ANKRD13A: variants seen among roughly 807,000 people sequenced by gnomAD.
ANKRD13A encodes ankyrin repeat domain 13A.
Under a neutral mutation model 81.3 loss-of-function variants are expected in ANKRD13A, and 48 were observed. That is an observed-to-expected ratio of 0.59 (90% CI 0.47 to 0.75). The LOEUF (loss-of-function observed/expected upper bound fraction) is 0.75. Ranked by LOEUF, ANKRD13A falls within the 30% of genes least tolerant of loss-of-function variation. ANKRD13A has a pLI of 0.00. For synonymous variants in ANKRD13A, 230 were observed against 270.1 expected, an observed-to-expected ratio of 0.85 and a Z score of 1.45; for missense variants, 612 against 734.0, an observed-to-expected ratio of 0.83 and a Z score of 1.92.
At chr12:110,006,673 C>T (rs1890258290) in intron 1 of ANKRD13A, among the ~76,000 whole-genome samples, 1 of 151,670 alleles carries the variant, frequency 6.6e-6, no homozygotes, top group Admixed American at 6.6e-5. Flanking sequence ...CTCGGCTTAC[C>T]ACAACCTCCG....
Position 110,039,375 on chromosome 12 carries a change from T to C in ANKRD13A, c.*1821T>C, listed in dbSNP as rs557174365. On this transcript the variant is annotated 3_prime_UTR_variant, in exon 15 of 15. Coordinates refer to ENST00000261739, the MANE Select transcript of ANKRD13A (RefSeq NM_033121.2). ...AACCTGTTGCAGTGTTTTTCATATA[T>C]GTGTTCACTCTAAAAATGCAAATAA... The C allele has an allele frequency of 6.6e-6, 1 of 152,360 alleles. No homozygotes were observed. The highest frequency in any genetic ancestry group is 1.9e-4 in the East Asian group (1 of 5,196). The allele number at this position is 152,360 out of a possible 1,614,324, so 9.4% of individuals were successfully genotyped here. A position where few individuals can be genotyped will look rare whatever the true frequency, so the allele number is the denominator to read the frequency against.
rs1180027757 is a variant in ANKRD13A, at chr12:110,024,049, T to G, written c.738T>G (p.Thr246=). 1.2e-6 allele frequency: 2 copies of G among 1,613,650 alleles called. No individual in the cohort carries two copies. Among genetic ancestry groups the G allele is most frequent in the Middle Eastern group, 1.6e-4 (1 of 6,062 alleles). ...LDTKNIAFER[T]KSGFWGWRTD... ...TGTGGTGTTCACTTTTTATCAGAACTAAATCCGGATTCTGGGGCTGGAGGA... is the reference window on the plus strand; with the variant it reads ...TGTGGTGTTCACTTTTTATCAGAACGAAATCCGGATTCTGGGGCTGGAGGA... The change falls in exon 7 of 15, where the codon ACT becomes ACG. Residue 246 remains threonine, a synonymous_variant. Transcript: ENST00000261739.
At chr12:110,009,322 C>A (rs1593201069) in intron 1 of ANKRD13A, among the ~76,000 whole-genome samples, 2 of 152,222 alleles carry the variant, frequency 1.3e-5, no homozygotes, top group African/African-American at 4.8e-5. Context: ...CTCTAGTGAT[C>A]CACCCGCCTC....
rs2137198594 is a variant in ANKRD13A at position 110,037,772 on chromosome 12, C to T, written c.*218C>T. 1 of 458,038 alleles carries T rather than the reference C, an allele frequency of 2.2e-6. No homozygotes were observed. The highest frequency in any genetic ancestry group is 2.0e-5 in the African/African-American group (1 of 50,912). 28.4% of individuals were successfully genotyped at this position (458,038 alleles called of 1,614,324 possible). A position where few individuals can be genotyped will look rare whatever the true frequency, so the allele number is the denominator to read the frequency against. ...GGACCAGGGATTGCAGGCCCCATCTCCAGGCTAAGGGGAGGAGAGCATCAT... is the reference window on the plus strand; with the variant it reads ...GGACCAGGGATTGCAGGCCCCATCTTCAGGCTAAGGGGAGGAGAGCATCAT... On this transcript the variant is annotated 3_prime_UTR_variant, in exon 15 of 15. Coordinates refer to ENST00000261739, the MANE Select transcript of ANKRD13A (RefSeq NM_033121.2).
chr12:110,025,701 G>A (rs183202634), intron 7 of ANKRD13A, 41 bp from the exon 8 acceptor site: 2 of 1,499,398 alleles, frequency 1.3e-6, no homozygotes, highest in East Asian at 2.4e-5. Context: ...TTGGAGTTTT[G>A]ATTCCCTGTG....
At chr12:110,012,580 T>C (rs1490603884) in intron 2 of ANKRD13A, among the ~76,000 whole-genome samples, 1 of 152,128 alleles carries the variant, frequency 6.6e-6, no homozygotes, top group African/African-American at 2.4e-5. Context: ...AGTGCAAACT[T>C]CTTCCACCAT....
chr12:110,008,603 G>A (rs1049907077), intron 1 of ANKRD13A, among the ~76,000 whole-genome samples: 1 of 152,210 alleles, frequency 6.6e-6, no homozygotes, highest in Non-Finnish European at 1.5e-5. Context: ...CACCAGTGAA[G>A]TCCAGGCATG....
At position 110,022,391 on chromosome 12, in the gene ANKRD13A, G is replaced by A. The variant is rs536071996; in HGVS notation, c.735-1655G>A. On this transcript the variant is annotated intron_variant, in intron 6 of 14. Coordinates refer to ENST00000261739, the MANE Select transcript of ANKRD13A (RefSeq NM_033121.2). ...GTGAACCCAGGAGGCGGAGCTTTCG[G>A]TGAGCTGAGATTGCACCACTGCACT... 3 of 151,950 alleles carry A rather than the reference G, an allele frequency of 2.0e-5. No individual in the cohort carries two copies. In the South Asian group the frequency reaches 6.3e-4, roughly 32 times the overall value. The allele number at this position is 151,950 out of a possible 1,614,324, so 9.4% of individuals were successfully genotyped here. A position where few individuals can be genotyped will look rare whatever the true frequency, so the allele number is the denominator to read the frequency against.
chr12:110,035,423 AG>A (rs1891975545), intron 13 of ANKRD13A, among the ~76,000 whole-genome samples: 1 of 151,810 alleles, frequency 6.6e-6, no homozygotes. Flanking sequence ...TGGGCAACAT[AG>A]TGAGATCCTA....
At chr12:110,020,810 G>A (rs191846889) in intron 6 of ANKRD13A, among the ~76,000 whole-genome samples, 55 of 152,340 alleles carry the variant, frequency 3.6e-4, no homozygotes, top group Middle Eastern at 6.8e-3. Context: ...AAATAACTGC[G>A]ACTTTGGGCA....
intron 13 of ANKRD13A, among the ~76,000 whole-genome samples, chr12:110,034,721 G>A (rs1294862409): frequency 6.6e-6 from 1 of 152,142 alleles, no homozygotes; most frequent in African/African-American, 2.4e-5. Context: ...TTCCTTCTGT[G>A]CCTCCTGGCT....
rs59713918 is a variant in ANKRD13A, at chr12:110,019,201, G to C, written c.607G>C (p.Asp203His). ...CAAAGTGGTCACCACCGAACGCTTCGACCTTTCCCAAGAAATGGAGCGCCT... is the reference window on the plus strand; with the variant it reads ...CAAAGTGGTCACCACCGAACGCTTCCACCTTTCCCAAGAAATGGAGCGCCT... Reference protein sequence around the residue: ...DDKVVTTERFDLSQEMERLTL... With the variant: ...DDKVVTTERFHLSQEMERLTL... The change falls in exon 6 of 15, where the codon GAC becomes CAC. Residue 203 changes from aspartate to histidine, a missense_variant. Physicochemically the swap from Asp to His is moderately conservative, Grantham distance 81 (BLOSUM62 -1). Coordinates refer to ENST00000261739, the MANE Select transcript of ANKRD13A (RefSeq NM_033121.2). 1.9e-6 allele frequency: 3 copies of C among 1,613,938 alleles called. No individual in the cohort carries two copies. The South Asian group carries it at 3.3e-5, about 18-fold the overall frequency.
rs1348385838 is a variant in ANKRD13A at position 110,023,970 on chromosome 12, A to G, written c.735-76A>G. 2.8e-6 allele frequency: 4 copies of G among 1,454,482 alleles called. No homozygotes were observed. The African/African-American group carries it at 4.3e-5, about 16-fold the overall frequency. The allele number at this position is 1,454,482 out of a possible 1,614,324, so 90.1% of individuals were successfully genotyped here. The stretch of plus-strand genomic sequence containing the variant: ...ACTAACTTAAGCTGGGGGGGAAAAA[A>G]ACTATAAAGGCTACAGATATAAATC... On this transcript the variant is annotated intron_variant, in intron 6 of 14. Coordinates refer to ENST00000261739, the MANE Select transcript of ANKRD13A (RefSeq NM_033121.2).
At chr12:110,008,672 G>A (rs566578863) in intron 1 of ANKRD13A, among the ~76,000 whole-genome samples, 3 of 152,278 alleles carry the variant, frequency 2.0e-5, no homozygotes, top group African/African-American at 4.8e-5. Context: ...ATCACATGAG[G>A]TTAGGAGTTC....
At chr12:110,035,910 GTC>G (rs1593235470) in intron 13 of ANKRD13A, among the ~76,000 whole-genome samples, 1 of 152,224 alleles carries the variant, frequency 6.6e-6, no homozygotes, top group East Asian at 1.9e-4. Context: ...GTGCGACCCT[GTC>G]TCTAAAAAAA....
At chr12:110,031,587 G>GTGATCCACC (rs1484017126) in intron 12 of ANKRD13A, among the ~76,000 whole-genome samples, 1 of 152,104 alleles carries the variant, frequency 6.6e-6, no homozygotes, top group Non-Finnish European at 1.5e-5. Flanking sequence ...CTGACCTCAA[G>GTGATCCACC]TGATCCACCC....
chr12:110,017,946 G>A (rs11064735), intron 4 of ANKRD13A, among the ~76,000 whole-genome samples: 12,400 of 151,070 alleles, frequency 0.082, 541 homozygotes, highest in Middle Eastern at 0.13. Flanking sequence ...AAAAAAAAAA[G>A]TGGCATACTT....
intron 6 of ANKRD13A, chr12:110,022,475 T>TG: frequency 6.8e-6 from 1 of 146,928 alleles, no homozygotes; most frequent in Non-Finnish European, 1.5e-5. Context: ...AGAGTGCAAA[T>TG]GCTTAGGGCA....
At position 110,028,018 on chromosome 12, in the gene ANKRD13A, G is replaced by T. The variant is rs1058777; in HGVS notation, c.945+252G>T. ...TCCCTCTTATCCATTATAAACGAGGGGCCTCTTTATAGAAATGGAACTTAA... is the reference window on the plus strand; with the variant it reads ...TCCCTCTTATCCATTATAAACGAGGTGCCTCTTTATAGAAATGGAACTTAA... On this transcript the variant is annotated intron_variant, in intron 9 of 14. Transcript: ENST00000261739. 7.6e-3 allele frequency: 3,607 copies of T among 477,574 alleles called. 9 individuals carry two copies. Among genetic ancestry groups the T allele is most frequent in the Non-Finnish European group, 9.4e-3 (2,506 of 267,326 alleles). 29.6% of individuals were successfully genotyped at this position (477,574 alleles called of 1,614,324 possible).
Sources: gnomAD v4.1 joint callset for allele counts (sites outside exome capture counted in the v4.1 genomes callset) on GRCh38, gnomAD v4.1.1 for gene constraint, MANE v1.5 for transcripts, NCBI Gene and HGNC (gene_info 2026-07-23, HGNC 2026-07-21) for gene names.